Variants in NRXN1 observed in about 807,000 individuals in gnomAD.
NRXN1 encodes neurexin 1, also known as neurexin-1.
NRXN1 carries 39 observed loss-of-function variants against 150.9 expected under a neutral mutation model. That is an observed-to-expected ratio of 0.26 (90% confidence interval 0.20 to 0.34). The LOEUF (loss-of-function observed/expected upper bound fraction) is 0.34. NRXN1 is among the 10% of genes least tolerant of loss of function. NRXN1 has a pLI of 1.00. For synonymous variants in NRXN1, 924 were observed against 757.0 expected (o/e 1.22, Z -3.62); for missense variants, 1,815 against 1,949.9 (o/e 0.93, Z 1.30).
chr2:50,129,177 T>C lies in NRXN1; in HGVS notation c.3547-37683A>G, dbSNP rs537512384. On this transcript the variant is annotated intron_variant, in intron 18 of 22. Coordinates refer to ENST00000401669, the MANE Select transcript of NRXN1 (RefSeq NM_001330078.2). The stretch of plus-strand genomic sequence containing the variant: ...TTATCCTATCTGAATACATCAGTTT[T>C]ATGATATTTATGTAACTACTAAAGC... Among the ~76,000 whole-genome samples, 67 of 149,470 alleles carry C rather than the reference T, an allele frequency of 4.5e-4. 2 individuals are homozygous for C. The highest frequency in any genetic ancestry group is 1.5e-3 in the African/African-American group (63 of 41,136).
intron 22 of NRXN1, among the ~76,000 whole-genome samples, chr2:49,937,325 C>T (rs540496286): frequency 2.0e-5 from 3 of 152,276 alleles, no homozygotes; most frequent in East Asian, 1.9e-4. Context: ...GAGTTGCCCT[C>T]GGGCTGAAAT....
chr2:50,159,710 G>T (rs1386296701), intron 18 of NRXN1, among the ~76,000 whole-genome samples: 1 of 152,090 alleles, frequency 6.6e-6, no homozygotes, highest in Non-Finnish European at 1.5e-5. Flanking sequence ...GCATAGAAAG[G>T]GCTGTGAAAG....
intron 2 of NRXN1, among the ~76,000 whole-genome samples, chr2:50,950,236 C>T (rs1398497840): frequency 6.6e-6 from 1 of 152,040 alleles, no homozygotes; most frequent in Non-Finnish European, 1.5e-5. Context: ...TTCATAAATA[C>T]TTCAAGTAGG....
intron 21 of NRXN1, among the ~76,000 whole-genome samples, chr2:49,967,550 C>G (rs1677169422): frequency 6.6e-6 from 1 of 151,982 alleles, no homozygotes; most frequent in Non-Finnish European, 1.5e-5. Flanking sequence ...TTGAAAATGT[C>G]CTCCCATTTT....
At chr2:50,298,442 A>G (rs543630965) in intron 17 of NRXN1, among the ~76,000 whole-genome samples, 2 of 152,272 alleles carry the variant, frequency 1.3e-5, no homozygotes, top group Admixed American at 1.3e-4. Context: ...AATTTTCATG[A>G]AAGACCTCCT....
chr2:50,635,998 A>G (rs1683185188), intron 5 of NRXN1, among the ~76,000 whole-genome samples: 1 of 152,206 alleles, frequency 6.6e-6, no homozygotes, highest in Non-Finnish European at 1.5e-5. Context: ...TATTAAAGTA[A>G]CCACTACATT....
Position 50,531,219 on chromosome 2 carries a change from G to A in NRXN1, c.2347+8C>T, listed in dbSNP as rs1156790325. The A allele has an allele frequency of 1.9e-6, 3 of 1,609,584 alleles. No homozygotes were observed. The highest frequency in any genetic ancestry group is 1.1e-5 in the South Asian group (1 of 90,558). On this transcript the variant is annotated splice_region_variant and intron_variant, in intron 11 of 22. Transcript: ENST00000401669. ...GTGTTAGTTCAATGGGGGAAGGCAG[G>A]TTGTTACCTAGATTGACCGTCAGTT...
chr2:50,941,733 C>T (rs887066580), intron 2 of NRXN1, among the ~76,000 whole-genome samples: 3 of 152,070 alleles, frequency 2.0e-5, no homozygotes, highest in African/African-American at 7.2e-5. Flanking sequence ...AAACAGATTA[C>T]CTGATATTGG....
chr2:51,001,761 A>G (rs1700108701), intron 2 of NRXN1, among the ~76,000 whole-genome samples: 1 of 151,996 alleles, frequency 6.6e-6, no homozygotes, highest in Non-Finnish European at 1.5e-5. Context: ...TTCAGGATAT[A>G]ATATCCCCAA....
chr2:50,174,669 C>T (rs2060241831), intron 18 of NRXN1: 1 of 152,022 alleles, frequency 6.6e-6, no homozygotes, highest in African/African-American at 2.4e-5. Flanking sequence ...ATCTTCTTAA[C>T]AGTTCTATAA....
At chr2:50,067,018 G>A (rs931530101) in intron 19 of NRXN1, among the ~76,000 whole-genome samples, 3 of 152,146 alleles carry the variant, frequency 2.0e-5, no homozygotes, top group African/African-American at 4.8e-5. Context: ...GAAAGAGCAC[G>A]CACAGCTCAA....
At chr2:50,770,780 G>A (rs1244165783) in intron 5 of NRXN1, among the ~76,000 whole-genome samples, 1 of 151,984 alleles carries the variant, frequency 6.6e-6, no homozygotes, top group Non-Finnish European at 1.5e-5. Flanking sequence ...GGGATTAATA[G>A]AGACTGGTAG....
At chr2:50,668,042 T>G (rs1037129921) in intron 5 of NRXN1, among the ~76,000 whole-genome samples, 1 of 152,042 alleles carries the variant, frequency 6.6e-6, no homozygotes, top group African/African-American at 2.4e-5. Context: ...TGTAATAAGA[T>G]GCTTTTTAGA....
intron 21 of NRXN1, among the ~76,000 whole-genome samples, chr2:50,026,880 T>C (rs1573485499): frequency 3.7e-5 from 3 of 80,012 alleles, no homozygotes; most frequent in Non-Finnish European, 5.2e-5. Flanking sequence ...TTTTTTTTTT[T>C]TTTTTTTTTT....
chr2:50,975,819 T>C (rs187038855), intron 2 of NRXN1, among the ~76,000 whole-genome samples: 6 of 152,128 alleles, frequency 3.9e-5, no homozygotes, highest in Non-Finnish European at 7.4e-5. Flanking sequence ...GGTACTAGTG[T>C]GCAGATTACA....
Position 50,080,425 on chromosome 2 carries a change from G to A in NRXN1, c.3718+10898C>T, listed in dbSNP as rs186363231. On this transcript the variant is annotated intron_variant, in intron 19 of 22. Coordinates refer to ENST00000401669, the MANE Select transcript of NRXN1 (RefSeq NM_001330078.2). ...TGGCATCCAATGAGAGTCTTGGAAT[G>A]TATTCCTCAATGGATACAGGGGGAT... Among the ~76,000 whole-genome samples the A allele has an allele frequency of 3.3e-3, 507 of 152,236 alleles. 3 individuals are homozygous for A. The highest frequency in any genetic ancestry group is 5.2e-3 in the Non-Finnish European group (351 of 67,994).
Position 50,954,776 on chromosome 2 carries a change from A to G in NRXN1, c.773-28821T>C, listed in dbSNP as rs79660837. On this transcript the variant is annotated intron_variant, in intron 2 of 22. Coordinates refer to ENST00000401669, the MANE Select transcript of NRXN1 (RefSeq NM_001330078.2). ...TGGAGTTTCTATGAATTAGGTACTCAACAGGAGCTTCTTCACAGACGTCCT... is the reference window on the plus strand; with the variant it reads ...TGGAGTTTCTATGAATTAGGTACTCGACAGGAGCTTCTTCACAGACGTCCT... 3.4e-3 allele frequency among the ~76,000 whole-genome samples: 520 copies of G among 152,344 alleles called. 3 individuals carry two copies. The highest frequency in any genetic ancestry group is 5.2e-3 in the Non-Finnish European group (352 of 68,030).
chr2:50,744,422 ACATTAAT>A, intron 5 of NRXN1, among the ~76,000 whole-genome samples: 1 of 152,222 alleles, frequency 6.6e-6, no homozygotes, highest in South Asian at 2.1e-4. Context: ...AAGAATAAAA[ACATTAAT>A]TATAACAAGA....
At chr2:50,765,169 C>A (rs370804015) in intron 5 of NRXN1, among the ~76,000 whole-genome samples, 1 of 152,036 alleles carries the variant, frequency 6.6e-6, no homozygotes, top group Admixed American at 6.6e-5. Flanking sequence ...AAGCACAATA[C>A]ATAATGTGAA....
Sources: allele counts gnomAD v4.1 joint callset (sites outside exome capture counted in the v4.1 genomes callset), GRCh38; gene constraint gnomAD v4.1.1; transcripts MANE v1.5; gene names NCBI Gene and HGNC (gene_info 2026-07-23, HGNC 2026-07-21).